The following TMPRSS2 variants were observed in gnomAD, a reference collection of about 807,000 sequenced individuals.
The protein encoded by TMPRSS2 is transmembrane serine protease 2.
A neutral mutation model predicts 67.4 loss-of-function variants in TMPRSS2; 59 were observed. The observed-to-expected ratio is 0.88, with a 90% confidence interval of 0.71 to 1.09. The LOEUF is 1.09. TMPRSS2 is among the 50% of genes least tolerant of loss of function. TMPRSS2 has a pLI of 0.00. For synonymous variants in TMPRSS2, 257 were observed against 257.0 expected, an observed-to-expected ratio of 1.00 and a Z score of 0.00; for missense variants, 668 against 642.7, an observed-to-expected ratio of 1.04 and a Z score of -0.43.
Position 41,464,551 on chromosome 21 carries a change from T to A in TMPRSS2, c.*1591A>T, listed in dbSNP as rs986471217. ...AGGCAGAACTTCAAAGATGCAGTAG[T>A]TACTTTGAAAAAAAAATTGCATAAT... On this transcript the variant is annotated 3_prime_UTR_variant, in exon 14 of 14. Coordinates refer to ENST00000332149, the MANE Select transcript of TMPRSS2 (RefSeq NM_005656.4). 11 of 215,190 alleles carry A rather than the reference T, an allele frequency of 5.1e-5. No individual in the cohort carries two copies. Among genetic ancestry groups the A allele is most frequent in the Non-Finnish European group, 7.5e-5 (8 of 107,140 alleles). 13.3% of individuals were successfully genotyped at this position (215,190 alleles called of 1,614,324 possible). A position where few individuals can be genotyped will look rare whatever the true frequency, so the allele number is the denominator to read the frequency against.
At chr21:41,468,693 C>G in intron 11 of TMPRSS2, 155 bp from the exon 12 acceptor site, 2 of 766,138 alleles carry the variant, frequency 2.6e-6, no homozygotes, top group Non-Finnish European at 4.1e-6. Context: ...GCACCAACCC[C>G]TCTCCTGGGA....
At chr21:41,466,999 G>A (rs2091090431) in intron 13 of TMPRSS2, among the ~76,000 whole-genome samples, 1 of 152,132 alleles carries the variant, frequency 6.6e-6, no homozygotes, top group African/African-American at 2.4e-5. Flanking sequence ...GGCTGCTCCT[G>A]CCCTTCCTAA....
In TMPRSS2 at chr21:41,485,341, T is replaced by C. The variant is rs148701953; in HGVS notation, c.445+3053A>G. Among the ~76,000 whole-genome samples the C allele has an allele frequency of 9.2e-5, 14 of 152,084 alleles. 1 individual carries two copies. The highest frequency in any genetic ancestry group is 5.8e-4 in the East Asian group (3 of 5,166). On this transcript the variant is annotated intron_variant, in intron 5 of 13. Coordinates refer to ENST00000332149, the MANE Select transcript of TMPRSS2 (RefSeq NM_005656.4). ...GTGTTTATTCACCCACATGTGCACA[T>C]AGGAGAACATCAAAAGCCATTCCAG...
chr21:41,498,464 C>T (rs145841350), intron 1 of TMPRSS2, among the ~76,000 whole-genome samples: 19 of 152,238 alleles, frequency 1.2e-4, no homozygotes, highest in Non-Finnish European at 2.2e-4. Context: ...GTAAGTGCAG[C>T]GGCCAGGACA....
At chr21:41,480,379 C>T (rs2146451294) in intron 6 of TMPRSS2, 97 bp downstream of exon 6, 3 of 1,549,744 alleles carry the variant, frequency 1.9e-6, no homozygotes, top group Admixed American at 1.9e-5. Flanking sequence ...GTCCCCAGCA[C>T]TCATGTGCCG....
At position 41,470,732 on chromosome 21, in the gene TMPRSS2, G is replaced by T; in HGVS notation, c.1087C>A (p.Pro363Thr). The T allele has an allele frequency of 6.2e-7, 1 of 1,613,320 alleles. No homozygotes were observed. The highest frequency in any genetic ancestry group is 8.5e-7 in the Non-Finnish European group (1 of 1,179,960). The change falls in exon 11 of 14, where the codon CCA becomes ACA. Residue 363 changes from proline (P) to threonine (T), a missense_variant. Pro to Thr is a conservative substitution (Grantham distance 38, BLOSUM62 -1). Transcript: ENST00000332149. ...KPLTFNDLVKPVCLPNPGMML... is the reference protein window; with the variant it reads ...KPLTFNDLVKTVCLPNPGMML... ...ATGCCTGGGTTGGGCAGACACACTG[G>T]TTTCACTAGGTCTGTTTCAAGAAGA...
rs118028230 is a variant in TMPRSS2, at chr21:41,466,177, G to C, written c.1468-24C>G. The C allele has an allele frequency of 2.5e-3, 4,050 of 1,611,488 alleles. 177 individuals are homozygous for C. The East Asian group carries it at 0.078, about 31-fold the overall frequency. Reference sequence around the variant, plus strand: ...GCCTGTTCAAATAGGAAAAAAAAAAGTGTGTTATTTTCTTAAGACAAACAA... The same window carrying C: ...GCCTGTTCAAATAGGAAAAAAAAAACTGTGTTATTTTCTTAAGACAAACAA... On this transcript the variant is annotated intron_variant, in intron 13 of 13. Coordinates refer to ENST00000332149, the MANE Select transcript of TMPRSS2 (RefSeq NM_005656.4).
intron 5 of TMPRSS2, among the ~76,000 whole-genome samples, chr21:41,485,493 A>G (rs2146461351): frequency 6.6e-6 from 1 of 152,054 alleles, no homozygotes; most frequent in Middle Eastern, 3.4e-3. Context: ...TACAAAAAAT[A>G]CAAAAATTAG....
rs1288985267 is a variant in TMPRSS2, at chr21:41,489,555, T to C, written c.277A>G (p.Thr93Ala). 6.2e-7 allele frequency: 1 copy of C among 1,614,070 alleles called. No homozygotes were observed. ...KALCITLTLG[T>A]FLVGAALAAG... Reference sequence around the variant, plus strand: ...GCCAGCGCAGCTCCCACGAGGAAGGTCCCCAGGGTCAAGGTGATGCACAGT... The same window carrying C: ...GCCAGCGCAGCTCCCACGAGGAAGGCCCCCAGGGTCAAGGTGATGCACAGT... The change falls in exon 4 of 14, where the codon ACC becomes GCC. Residue 93 changes from threonine to alanine, a missense_variant. By Grantham distance (58) the Thr-to-Ala change is moderately conservative. Coordinates refer to ENST00000332149, the MANE Select transcript of TMPRSS2 (RefSeq NM_005656.4).
At chr21:41,497,444 G>A (rs1601588934) in intron 2 of TMPRSS2, among the ~76,000 whole-genome samples, 1 of 152,314 alleles carries the variant, frequency 6.6e-6, no homozygotes, top group African/African-American at 2.4e-5. Flanking sequence ...CTAAGAACTT[G>A]CCATCCACTA....
chr21:41,498,274 T>G, intron 1 of TMPRSS2, 85 bp from the exon 2 acceptor site: 7 of 891,316 alleles, frequency 7.9e-6, no homozygotes, highest in African/African-American at 1.7e-5. Context: ...GAAGAATCTC[T>G]AGATGAAGGT....
chr21:41,505,140 T>C (rs1174827806), intron 1 of TMPRSS2, among the ~76,000 whole-genome samples: 1 of 152,110 alleles, frequency 6.6e-6, no homozygotes, highest in African/African-American at 2.4e-5. Context: ...GAACAAGCAC[T>C]CCATTGACCA....
rs963941499 is a variant in TMPRSS2, at chr21:41,465,242, A to C, written c.*900T>G. The C allele has an allele frequency of 2.6e-5, 6 of 233,674 alleles. No individual in the cohort carries two copies. Among genetic ancestry groups the C allele is most frequent in the African/African-American group, 1.3e-4 (6 of 45,364 alleles). The allele number at this position is 233,674 out of a possible 1,614,324, so 14.5% of individuals were successfully genotyped here. A position where few individuals can be genotyped will look rare whatever the true frequency, so the allele number is the denominator to read the frequency against. ...CACTGAGGTAGCAATGTGTAGAAAC[A>C]TAACATGGAAACAGTGTACCTTAAA... On this transcript the variant is annotated 3_prime_UTR_variant, in exon 14 of 14. Coordinates refer to ENST00000332149, the MANE Select transcript of TMPRSS2 (RefSeq NM_005656.4).
chr21:41,505,242 T>C (rs984632093), intron 1 of TMPRSS2, among the ~76,000 whole-genome samples: 1 of 152,066 alleles, frequency 6.6e-6, no homozygotes, highest in Non-Finnish European at 1.5e-5. Flanking sequence ...GAAAAATAAA[T>C]AAATAAATAA....
intron 1 of TMPRSS2, among the ~76,000 whole-genome samples, chr21:41,502,849 G>C (rs1441481357): frequency 6.6e-6 from 1 of 152,172 alleles, no homozygotes; most frequent in Non-Finnish European, 1.5e-5. Context: ...TTGTCCCAAA[G>C]AGATTACAAA....
chr21:41,469,500 T>C (rs1267823112), intron 11 of TMPRSS2, among the ~76,000 whole-genome samples: 4 of 152,150 alleles, frequency 2.6e-5, no homozygotes, highest in East Asian at 1.9e-4. Context: ...CAAGGACCTA[T>C]GCAATCTGGC....
chr21:41,470,670 C>T lies in TMPRSS2; in HGVS notation c.1149G>A (p.Gly383=). ...CACCTTTCTCCTCGGTGGCCCCCCA[C>T]CCGGAAATCCAGCAGAGCTGTTCTG... ...LQPEQLCWIS[G]WGATEEKGKT... is the part of the protein sequence containing the mutation. The change falls in exon 11 of 14, where the codon GGG becomes GGA. Residue 383 remains glycine (G), a synonymous_variant. Transcript: ENST00000332149. 6.2e-7 allele frequency: 1 copy of T among 1,613,556 alleles called. No homozygotes were observed. Among genetic ancestry groups the T allele is most frequent in the Non-Finnish European group, 8.5e-7 (1 of 1,179,972 alleles).
chr21:41,494,385 T>C lies in TMPRSS2; in HGVS notation c.209A>G (p.Lys70Arg). The change falls in exon 3 of 14, where the codon AAA (lysine) becomes AGA (arginine). Residue 70 changes from lysine (K) to arginine (R), a missense_variant. Coordinates refer to ENST00000332149, the MANE Select transcript of TMPRSS2 (RefSeq NM_005656.4). ...GGTGCACACTGTCCCGGATGGGGAT[T>C]TGGGCTGCGTGCAGACGACGGGGTT... is the stretch of plus-strand genomic sequence containing the variant. ...ASNPVVCTQP[K>R]SPSGTVCTSK... 1 of 1,609,596 alleles carries C rather than the reference T, an allele frequency of 6.2e-7. No homozygotes were observed. The highest frequency in any genetic ancestry group is 8.5e-7 in the Non-Finnish European group (1 of 1,178,916).
At chr21:41,469,579 C>T (rs2091113385) in intron 11 of TMPRSS2, among the ~76,000 whole-genome samples, 1 of 152,148 alleles carries the variant, frequency 6.6e-6, no homozygotes, top group South Asian at 2.1e-4. Context: ...GATGTGTACA[C>T]ATTTTTGCCA....
Sources: allele counts gnomAD v4.1 joint callset (sites outside exome capture counted in the v4.1 genomes callset), GRCh38; gene constraint gnomAD v4.1.1; transcripts MANE v1.5; gene names NCBI Gene and HGNC (gene_info 2026-07-23, HGNC 2026-07-21).